Variants in MYO3B observed in about 807,000 individuals in gnomAD.
MYO3B encodes the protein myosin-IIIb.
Under a neutral mutation model 174.6 loss-of-function variants are expected in MYO3B, and 156 were observed. The observed-to-expected ratio is 0.89, with a 90% CI of 0.78 to 1.02. MYO3B has a LOEUF of 1.02. Ranked by LOEUF, MYO3B falls within the 50% of genes least tolerant of loss-of-function variation. MYO3B has a pLI of 0.00. For missense variants in MYO3B, 1,632 were observed against 1,639.4 expected, an observed-to-expected ratio of 1.00 and a Z score of 0.08; for synonymous variants, 563 against 569.1, an observed-to-expected ratio of 0.99 and a Z score of 0.15.
chr2:170,503,921 G>A (rs1279668834), intron 28 of MYO3B, among the ~76,000 whole-genome samples: 1 of 152,198 alleles, frequency 6.6e-6, no homozygotes, highest in Non-Finnish European at 1.5e-5. Flanking sequence ...GAATAGGGTA[G>A]CAATCTTTGC....
intron 8 of MYO3B, chr2:170,338,077 A>T (rs546197119): frequency 6.6e-6 from 1 of 152,216 alleles, no homozygotes; most frequent in African/African-American, 2.4e-5. Flanking sequence ...GGCAAATCCT[A>T]TTATATGCCA....
chr2:170,391,644 A>C, intron 15 of MYO3B, 26 bp downstream of exon 15: 1 of 1,305,168 alleles, frequency 7.7e-7, no homozygotes, highest in South Asian at 1.3e-5. Context: ...GTTGGTTGTT[A>C]ATTTTTGATG....
rs918332251 is a variant in MYO3B, at chr2:170,491,565, A to G, written c.3015-7027A>G. On this transcript the variant is annotated intron_variant, in intron 25 of 34. Transcript: ENST00000408978. ...CTCAGCCTCCCGAGTAGCTGGGACT[A>G]TAGGTGCCCGCCACCATGCCCGGCT... Among the ~76,000 whole-genome samples, 28 of 152,138 alleles carry G rather than the reference A, an allele frequency of 1.8e-4. 1 individual carries two copies. The highest frequency in any genetic ancestry group is 6.0e-4 in the African/African-American group (25 of 41,440).
intron 23 of MYO3B, among the ~76,000 whole-genome samples, chr2:170,446,310 G>A (rs754864032): frequency 7.2e-5 from 11 of 152,028 alleles, no homozygotes; most frequent in East Asian, 3.9e-4. Context: ...ACCCCGTGTC[G>A]TATTTCCTGT....
chr2:170,654,680 G>C lies in MYO3B; in HGVS notation c.*1559G>C, dbSNP rs1699193760. Reference sequence around the variant, plus strand: ...AAAAAAAAAAAAAAAAAAAGAGATAGTATGCAAGAAGACACCTAAATTTTG... The same window carrying C: ...AAAAAAAAAAAAAAAAAAAGAGATACTATGCAAGAAGACACCTAAATTTTG... On this transcript the variant is annotated 3_prime_UTR_variant, in exon 35 of 35. Coordinates refer to ENST00000408978, the MANE Select transcript of MYO3B (RefSeq NM_138995.5). 7.1e-6 allele frequency: 1 copy of C among 141,018 alleles called. No homozygotes were observed. Among genetic ancestry groups the C allele is most frequent in the Non-Finnish European group, 1.5e-5 (1 of 65,118 alleles). The allele number at this position is 141,018 out of a possible 1,614,324, so 8.7% of individuals were successfully genotyped here.
At chr2:170,537,786 G>A (rs902831944) in intron 30 of MYO3B, among the ~76,000 whole-genome samples, 5 of 152,044 alleles carry the variant, frequency 3.3e-5, no homozygotes, top group Non-Finnish European at 5.9e-5. Context: ...TCAAAGAGGT[G>A]GAAACAAATT....
chr2:170,621,894 T>C (rs946507633), intron 32 of MYO3B, among the ~76,000 whole-genome samples: 1 of 152,124 alleles, frequency 6.6e-6, no homozygotes, highest in South Asian at 2.1e-4. Flanking sequence ...TGTATTACCA[T>C]GTACCTGTTT....
chr2:170,249,446 C>T (rs1488664185), intron 7 of MYO3B, among the ~76,000 whole-genome samples: 1 of 152,208 alleles, frequency 6.6e-6, no homozygotes, highest in Non-Finnish European at 1.5e-5. Flanking sequence ...TTCATATCAA[C>T]ATTTGCTTGA....
intron 6 of MYO3B, among the ~76,000 whole-genome samples, chr2:170,228,702 T>C (rs2092980129): frequency 6.6e-6 from 1 of 152,156 alleles, no homozygotes; most frequent in African/African-American, 2.4e-5. Context: ...TTTGAGTGTT[T>C]TTAATTTGAA....
At chr2:170,256,339 A>C (rs1401499947) in intron 7 of MYO3B, among the ~76,000 whole-genome samples, 1 of 152,210 alleles carries the variant, frequency 6.6e-6, no homozygotes, top group Non-Finnish European at 1.5e-5. Flanking sequence ...TAGTAATCAG[A>C]CTTTTCAAGG....
At chr2:170,293,041 G>A (rs2093606061) in intron 7 of MYO3B, among the ~76,000 whole-genome samples, 1 of 152,112 alleles carries the variant, frequency 6.6e-6, no homozygotes, top group South Asian at 2.1e-4. Flanking sequence ...CACCATGAGG[G>A]GGAGAGGCCT....
chr2:170,436,429 A>T (rs777685177), intron 22 of MYO3B, among the ~76,000 whole-genome samples: 15 of 152,072 alleles, frequency 9.9e-5, no homozygotes, highest in Non-Finnish European at 2.1e-4. Context: ...AATGCTTCCC[A>T]CTCATTATAA....
intron 6 of MYO3B, 95 bp downstream of exon 6, chr2:170,217,490 A>G (rs1276776359): frequency 2.8e-6 from 3 of 1,071,254 alleles, no homozygotes; most frequent in African/African-American, 1.6e-5. Context: ...CAGAATTTTT[A>G]GGGAGAAGAA....
rs200053980 is a variant in MYO3B, at chr2:170,214,612, G to A, written c.427-117G>A. ...CAAGGATTACTAACAGCAGGAAGGT[G>A]TAGCCAAATGTAGACTTTCATGAGA... On this transcript the variant is annotated intron_variant, in intron 4 of 34. Transcript: ENST00000408978. 8 of 1,280,244 alleles carry A rather than the reference G, an allele frequency of 6.2e-6. No individual in the cohort carries two copies. In the Admixed American group the frequency reaches 1.1e-4, roughly 18 times the overall value. The allele number at this position is 1,280,244 out of a possible 1,614,324, so 79.3% of individuals were successfully genotyped here. A position where few individuals can be genotyped will look rare whatever the true frequency, so the allele number is the denominator to read the frequency against.
At chr2:170,299,472 T>A (rs1314728078) in intron 7 of MYO3B, among the ~76,000 whole-genome samples, 1 of 152,208 alleles carries the variant, frequency 6.6e-6, no homozygotes, top group Non-Finnish European at 1.5e-5. Context: ...CTTTTTTTTT[T>A]AGAAGAAATG....
chr2:170,386,234 G>A lies in MYO3B; in HGVS notation c.1336G>A (p.Ala446Thr), dbSNP rs753788691. ...GAGTGGCTCTGGGAAGACAGAAAGC[G>A]CCCACCTGATTGTTCAGCATTTGAC... ...GESGSGKTES[A>T]HLIVQHLTFL... Residue 446 changes from alanine to threonine, a missense_variant, in exon 13 of 35, where the codon GCC becomes ACC. By Grantham distance (58) the Ala-to-Thr change is moderately conservative. Transcript: ENST00000408978. 14 of 1,613,456 alleles carry A rather than the reference G, an allele frequency of 8.7e-6. 1 individual carries two copies. Among genetic ancestry groups the A allele is most frequent in the South Asian group, 3.3e-5 (3 of 91,066 alleles).
At chr2:170,595,622 A>G (rs896082110) in intron 32 of MYO3B, among the ~76,000 whole-genome samples, 2 of 152,048 alleles carry the variant, frequency 1.3e-5, no homozygotes, top group Non-Finnish European at 2.9e-5. Flanking sequence ...TACGTTTTGT[A>G]GAGATGGGGT....
chr2:170,428,659 C>T (rs2094684500), intron 22 of MYO3B, among the ~76,000 whole-genome samples: 1 of 152,186 alleles, frequency 6.6e-6, no homozygotes, highest in Non-Finnish European at 1.5e-5. Flanking sequence ...ACCAGGTTGA[C>T]ATTACACACT....
chr2:170,448,833 A>G (rs1359317082), intron 23 of MYO3B, among the ~76,000 whole-genome samples: 1 of 151,710 alleles, frequency 6.6e-6, no homozygotes, highest in African/African-American at 2.4e-5. Context: ...ACGAGTCCCC[A>G]GTTTTACTAA....
Sources: gnomAD v4.1 joint callset for allele counts (sites outside exome capture counted in the v4.1 genomes callset) on GRCh38, gnomAD v4.1.1 for gene constraint, MANE v1.5 for transcripts, NCBI Gene and HGNC (gene_info 2026-07-23, HGNC 2026-07-21) for gene names.